Variants in DUS1L observed in about 807,000 individuals in gnomAD.
The protein encoded by DUS1L is dihydrouridine synthase 1 like, also known as tRNA-dihydrouridine(16/17) synthase [NAD(P)(+)]-like.
A neutral mutation model predicts 61.2 loss-of-function variants in DUS1L; 56 were observed. The observed-to-expected ratio is 0.92, with a 90% CI of 0.74 to 1.14. DUS1L has a LOEUF of 1.14. DUS1L is among the 50% of genes most tolerant of loss of function. The probability of loss-of-function intolerance (pLI) is 0.00; values close to 1 mark genes in which losing one functional copy is unlikely to be tolerated. For missense variants in DUS1L, 630 were observed against 632.4 expected, an observed-to-expected ratio of 1.00 and a Z score of 0.04; for synonymous variants, 278 against 259.5, an observed-to-expected ratio of 1.07 and a Z score of -0.69.
chr17:82,065,377 C>A (rs1335776716), intron 1 of DUS1L: 3 of 339,810 alleles, frequency 8.8e-6, no homozygotes, highest in African/African-American at 6.3e-5. Flanking sequence ...TCCCCGCGGG[C>A]CTGGCCCTGA....
intron 4 of DUS1L, 113 bp from the exon 5 acceptor site, chr17:82,063,086 G>A (rs2033590402): frequency 1.1e-6 from 1 of 940,908 alleles, no homozygotes; most frequent in South Asian, 1.4e-5. Context: ...TTGCCGGGAG[G>A]CTGGGAGGCA....
chr17:82,064,218 G>C lies in DUS1L; in HGVS notation c.254C>G (p.Pro85Arg). The change falls in exon 3 of 14, where the codon CCG (proline) becomes CGG (arginine). Residue 85 changes from proline to arginine, a missense_variant. By Grantham distance (103) the Pro-to-Arg change is moderately radical. Transcript: ENST00000306796. Reference protein sequence around the residue: ...PLIVQFCANDPEVFVQAALLA... With the variant: ...PLIVQFCANDREVFVQAALLA... ...GAGAGCCGCCTGAACAAACACCTCC[G>C]GGTCATTGGCACAGAACTGGAGAAG... The C allele has an allele frequency of 6.2e-7, 1 of 1,611,822 alleles. No homozygotes were observed. Among genetic ancestry groups the C allele is most frequent in the Non-Finnish European group, 8.5e-7 (1 of 1,179,702 alleles).
chr17:82,063,046 G>A (rs1459092767), intron 4 of DUS1L, 73 bp from the exon 5 acceptor site: 2 of 1,354,428 alleles, frequency 1.5e-6, no homozygotes, highest in African/African-American at 2.9e-5. Context: ...CAGAGCCCAG[G>A]GCCCTGCAGA....
chr17:82,064,091 G>A, intron 3 of DUS1L, 35 bp downstream of exon 3: 2 of 1,588,396 alleles, frequency 1.3e-6, no homozygotes, highest in Non-Finnish European at 1.7e-6. Context: ...TCTGGCCCCT[G>A]CCCCAGGTGC....
In DUS1L at chr17:82,061,312, G is replaced by T. The variant is rs373424071; in HGVS notation, c.739C>A (p.Pro247Thr). Residue 247 changes from proline to threonine, a missense_variant, in exon 8 of 14, where the codon CCT becomes ACT. Physicochemically the swap from Pro to Thr is conservative, Grantham distance 38. Coordinates refer to ENST00000306796, the MANE Select transcript of DUS1L (RefSeq NM_022156.5). ...TCCTCGGCCAGCTCCCACACGGCAG[G>T]GCTCCGGCCCTCGAACAGGGCGGGG... is the stretch of plus-strand genomic sequence containing the variant. ...HNPALFEGRSPAVWELAEEYL... is the reference protein window; with the variant it reads ...HNPALFEGRSTAVWELAEEYL... 28 of 1,609,682 alleles carry T rather than the reference G, an allele frequency of 1.7e-5. No homozygotes were observed. The highest frequency in any genetic ancestry group is 6.7e-5 in the African/African-American group (5 of 74,870).
At chr17:82,061,576 C>G in intron 7 of DUS1L, 42 bp downstream of exon 7, 4 of 1,582,628 alleles carry the variant, frequency 2.5e-6, no homozygotes, top group Non-Finnish European at 3.4e-6. Context: ...GGTATCAGGC[C>G]GTGTGCATGG....
intron 2 of DUS1L, 96 bp from the exon 3 acceptor site, chr17:82,064,330 T>A: frequency 9.5e-7 from 1 of 1,057,914 alleles, no homozygotes; most frequent in Non-Finnish European, 1.4e-6. Flanking sequence ...CATGAGGGTG[T>A]GGGCCCAGGT....
At chr17:82,064,429 C>T (rs953641050) in intron 2 of DUS1L, among the ~76,000 whole-genome samples, 195 bp from the exon 3 acceptor site, 1 of 152,236 alleles carries the variant, frequency 6.6e-6, no homozygotes, top group African/African-American at 2.4e-5. Flanking sequence ...TACAGATTTT[C>T]TTCTGAACTG....
chr17:82,060,069 C>T lies in DUS1L; in HGVS notation c.1047G>A (p.Lys349=), dbSNP rs1467734456. 1 of 1,613,108 alleles carries T rather than the reference C, an allele frequency of 6.2e-7. No individual in the cohort carries two copies. The highest frequency in any genetic ancestry group is 8.5e-7 in the Non-Finnish European group (1 of 1,179,878). ...RPGPREGSKE[K]AGARSKRALE... is the part of the protein sequence containing the mutation. ...GGGCCCGCTTGCTGCGCGCACCTGCCTTCTCCTTGCTCCCCTCCCTGGGCC... is the reference window on the plus strand; with the variant it reads ...GGGCCCGCTTGCTGCGCGCACCTGCTTTCTCCTTGCTCCCCTCCCTGGGCC... The change falls in exon 11 of 14, where the codon AAG becomes AAA. Residue 349 remains lysine, a synonymous_variant. Transcript: ENST00000306796.
Position 82,057,968 on chromosome 17 carries a change from T to G in DUS1L, c.*147A>C. ...CTGGGGCCTGCTCCCCACTGCAGCA[T>G]TTCCAGGCCCCCAGAGTGGGCCGAA... On this transcript the variant is annotated 3_prime_UTR_variant, in exon 14 of 14. Transcript: ENST00000306796. 9.4e-7 allele frequency: 1 copy of G among 1,067,876 alleles called. No individual in the cohort carries two copies. The highest frequency in any genetic ancestry group is 1.3e-6 in the Non-Finnish European group (1 of 785,280). The allele number at this position is 1,067,876 out of a possible 1,614,324, so 66.2% of individuals were successfully genotyped here. A position where few individuals can be genotyped will look rare whatever the true frequency, so the allele number is the denominator to read the frequency against.
At chr17:82,059,809 C>G in intron 11 of DUS1L, 139 bp downstream of exon 11, 1 of 1,300,772 alleles carries the variant, frequency 7.7e-7, no homozygotes, top group Non-Finnish European at 1.1e-6. Context: ...GACTACTCCG[C>G]CAAGCCCTCC....
At position 82,058,435 on chromosome 17, in the gene DUS1L, G is replaced by C. The variant is rs569743283; in HGVS notation, c.1207-19C>G. On this transcript the variant is annotated intron_variant, in intron 12 of 13. Transcript: ENST00000306796. The stretch of plus-strand genomic sequence containing the variant: ...TGTTGCCCTGGGCACAGGAAATCTC[G>C]GGAGCCTGTGGCCAGCACCACTCCC... 2 of 1,479,476 alleles carry C rather than the reference G, an allele frequency of 1.4e-6. No individual in the cohort carries two copies. Among genetic ancestry groups the C allele is most frequent in the East Asian group, 4.7e-5 (2 of 42,970 alleles). 91.6% of individuals were successfully genotyped at this position (1,479,476 alleles called of 1,614,324 possible).
Position 82,062,885 on chromosome 17 carries a change from C to G in DUS1L, c.486G>C (p.Gln162His). 6.2e-7 allele frequency: 1 copy of G among 1,612,910 alleles called. No individual in the cohort carries two copies. The highest frequency in any genetic ancestry group is 1.3e-5 in the African/African-American group (1 of 75,060). ...PEIDKTVRYA[Q>H]MLEKAGCQLL... The stretch of plus-strand genomic sequence containing the variant: ...CCTGGCAGCCGGCCTTCTCCAGCAT[C>G]TGGGCGTACCTCACGGTCTTGTCAA... The change falls in exon 5 of 14, where the codon CAG becomes CAC. Residue 162 changes from glutamine to histidine, a missense_variant. Physicochemically the swap from Gln to His is conservative, Grantham distance 24. Transcript: ENST00000306796.
chr17:82,062,389 G>A (rs547831593), intron 5 of DUS1L, among the ~76,000 whole-genome samples: 2 of 152,350 alleles, frequency 1.3e-5, no homozygotes, highest in East Asian at 1.9e-4. Context: ...TCATCCCCGG[G>A]TCACCAAGGT....
rs770111476 is a variant in DUS1L, at chr17:82,062,993, C to T, written c.398-20G>A. The T allele has an allele frequency of 1.3e-6, 2 of 1,596,610 alleles. No homozygotes were observed. The highest frequency in any genetic ancestry group is 1.7e-6 in the Non-Finnish European group (2 of 1,166,130). On this transcript the variant is annotated intron_variant, in intron 4 of 13. Coordinates refer to ENST00000306796, the MANE Select transcript of DUS1L (RefSeq NM_022156.5). ...GCAAAACTGGGGAGAAGAGAGGCAG[C>T]TTCTGAGGGGGCCATGGTGTTCCCA...
intron 11 of DUS1L, 157 bp downstream of exon 11, chr17:82,059,791 G>A: frequency 1.9e-6 from 2 of 1,061,320 alleles, no homozygotes; most frequent in Non-Finnish European, 2.8e-6. Flanking sequence ...CTGACCCCAA[G>A]TCTGGCTGAC....
chr17:82,060,090 G>T lies in DUS1L; in HGVS notation c.1026C>A (p.Pro342=). 6.2e-7 allele frequency: 1 copy of T among 1,612,582 alleles called. No individual in the cohort carries two copies. The change falls in exon 11 of 14, where the codon CCC becomes CCA. Residue 342 remains proline, a synonymous_variant. Transcript: ENST00000306796. ...WICQPYIRPG[P]REGSKEKAGA... is the part of the protein sequence containing the mutation. Reference sequence around the variant, plus strand: ...CTGCCTTCTCCTTGCTCCCCTCCCTGGGCCTGAGGGGAGGGCAGCGGGCAG... The same window carrying T: ...CTGCCTTCTCCTTGCTCCCCTCCCTTGGCCTGAGGGGAGGGCAGCGGGCAG...
At chr17:82,065,116 G>A in intron 1 of DUS1L, 47 bp from the exon 2 acceptor site, 1 of 1,495,368 alleles carries the variant, frequency 6.7e-7, no homozygotes, top group East Asian at 2.3e-5. Flanking sequence ...CCAACGAGGG[G>A]CTTAAGACTC....
At chr17:82,061,457 G>A in intron 7 of DUS1L, 104 bp from the exon 8 acceptor site, 1 of 1,490,996 alleles carries the variant, frequency 6.7e-7, no homozygotes, top group African/African-American at 1.4e-5. Flanking sequence ...ACCTCACAAG[G>A]GACAAGGCCA....
Sources: gnomAD v4.1 joint callset for allele counts (sites outside exome capture counted in the v4.1 genomes callset) on GRCh38, gnomAD v4.1.1 for gene constraint, MANE v1.5 for transcripts, NCBI Gene and HGNC (gene_info 2026-07-23, HGNC 2026-07-21) for gene names.